Variants in ATF7IP observed in about 807,000 individuals in gnomAD.
ATF7IP encodes the protein activating transcription factor 7-interacting protein 1.
Under a neutral mutation model 106.4 loss-of-function variants are expected in ATF7IP, and 23 were observed. That is an observed-to-expected ratio of 0.22 (90% CI 0.16 to 0.31). The LOEUF (loss-of-function observed/expected upper bound fraction) is 0.31, where lower values mean the gene tolerates loss of function less well. ATF7IP is among the 10% of genes least tolerant of loss of function. The pLI, the probability that ATF7IP is intolerant of heterozygous loss-of-function variation, is 1.00. For missense variants in ATF7IP, 1,334 were observed against 1,524.3 expected (o/e 0.88, Z 2.08); for synonymous variants, 542 against 539.0 (o/e 1.01, Z -0.08).
chr12:14,465,489 A>C (rs553650545), intron 9 of ATF7IP, among the ~76,000 whole-genome samples: 36 of 151,868 alleles, frequency 2.4e-4, no homozygotes, highest in African/African-American at 8.7e-4. Flanking sequence ...TTCATAGTCC[A>C]AAACAGATGC....
chr12:14,452,234 T>G (rs1164482653), intron 6 of ATF7IP, among the ~76,000 whole-genome samples: 8 of 152,212 alleles, frequency 5.3e-5, no homozygotes, highest in African/African-American at 7.2e-5. Context: ...GTGTTGTATT[T>G]TGGATCCAAA....
chr12:14,393,526 G>A (rs909472993), intron 1 of ATF7IP, among the ~76,000 whole-genome samples: 4 of 150,176 alleles, frequency 2.7e-5, no homozygotes, highest in Non-Finnish European at 4.4e-5. Context: ...TAATATTTTT[G>A]ATTGTCTATA....
intron 1 of ATF7IP, chr12:14,395,353 A>G (rs890166354): frequency 1.3e-5 from 2 of 152,082 alleles, no homozygotes; most frequent in Non-Finnish European, 2.9e-5. Context: ...TTTTAGTTCT[A>G]ATGAAAACAG....
intron 1 of ATF7IP, among the ~76,000 whole-genome samples, chr12:14,383,071 C>G (rs11055959): frequency 0.54 from 82,632 of 151,926 alleles, 22,916 homozygotes; most frequent in African/African-American, 0.66. Flanking sequence ...GACACAGAAA[C>G]AGAACCAATG....
intron 1 of ATF7IP, among the ~76,000 whole-genome samples, chr12:14,404,378 A>G (rs1272273095): frequency 2.0e-5 from 3 of 152,214 alleles, no homozygotes; most frequent in African/African-American, 7.2e-5. Flanking sequence ...TCCTATAATC[A>G]TGACCACAGG....
rs560695297 is a variant in ATF7IP at position 14,445,140 on chromosome 12, G to A, written c.1930-1848G>A. Among the ~76,000 whole-genome samples, 10 of 151,782 alleles carry A rather than the reference G, an allele frequency of 6.6e-5. No homozygotes were observed. In the South Asian group the frequency reaches 1.0e-3, roughly 16 times the overall value. ...CGAAGAGCTGGGACTACAGGCGCGC[G>A]CCACCACGCCTGGCTAATTTTTGTA... On this transcript the variant is annotated intron_variant, in intron 5 of 14. Coordinates refer to ENST00000261168, the MANE Select transcript of ATF7IP (RefSeq NM_018179.5).
At chr12:14,426,153 A>G (rs1159693002) in intron 2 of ATF7IP, among the ~76,000 whole-genome samples, 1 of 152,162 alleles carries the variant, frequency 6.6e-6, no homozygotes, top group Admixed American at 6.5e-5. Context: ...CTCCTTATGT[A>G]AAAGGTACAT....
intron 1 of ATF7IP, among the ~76,000 whole-genome samples, chr12:14,412,898 T>C (rs779051247): frequency 6.6e-6 from 1 of 152,104 alleles, no homozygotes; most frequent in Non-Finnish European, 1.5e-5. Context: ...CCTGTAATTC[T>C]AGCTACTCAG....
intron 10 of ATF7IP, among the ~76,000 whole-genome samples, chr12:14,468,301 T>C (rs1249432184): frequency 6.7e-6 from 1 of 148,422 alleles, no homozygotes; most frequent in Non-Finnish European, 1.5e-5. Context: ...AAATATAATA[T>C]ATGTAACATC....
intron 14 of ATF7IP, among the ~76,000 whole-genome samples, chr12:14,496,597 A>C (rs1298204479): frequency 6.6e-6 from 1 of 152,206 alleles, no homozygotes; most frequent in Non-Finnish European, 1.5e-5. Flanking sequence ...GGGTATATGA[A>C]GTGAAATATA....
chr12:14,372,306 CAGAG>C (rs1200259940), intron 1 of ATF7IP, among the ~76,000 whole-genome samples: 5 of 151,990 alleles, frequency 3.3e-5, no homozygotes, highest in Admixed American at 6.6e-5. Context: ...GTATTGGAGA[CAGAG>C]AGTGAGTGCT....
chr12:14,408,352 A>G (rs111230508), intron 1 of ATF7IP: 144 of 152,198 alleles, frequency 9.5e-4, no homozygotes, highest in African/African-American at 3.2e-3. Flanking sequence ...TCCTGCTAGC[A>G]TATTGTTTCT....
At chr12:14,418,880 G>A (rs7967823) in intron 1 of ATF7IP, among the ~76,000 whole-genome samples, 82,721 of 151,778 alleles carry the variant, frequency 0.55, 23,001 homozygotes, top group African/African-American at 0.66. Context: ...AACTTTTCTT[G>A]AATTATATAT....
intron 1 of ATF7IP, among the ~76,000 whole-genome samples, chr12:14,408,142 A>AC (rs1555113737): frequency 2.7e-5 from 4 of 146,476 alleles, no homozygotes; most frequent in South Asian, 2.2e-4. Context: ...ACACACACAC[A>AC]AATATATATG....
At chr12:14,447,696 G>A (rs1943037061) in intron 6 of ATF7IP, among the ~76,000 whole-genome samples, 1 of 152,026 alleles carries the variant, frequency 6.6e-6, no homozygotes, top group South Asian at 2.1e-4. Context: ...TCCCAGTATG[G>A]TCTCTTACTA....
intron 10 of ATF7IP, among the ~76,000 whole-genome samples, chr12:14,471,811 T>C (rs1334149927): frequency 2.6e-5 from 4 of 152,078 alleles, no homozygotes; most frequent in Non-Finnish European, 5.9e-5. Flanking sequence ...ACATGGAAAT[T>C]ATCAGAACTA....
intron 13 of ATF7IP, among the ~76,000 whole-genome samples, chr12:14,483,570 C>G (rs1284067023): frequency 6.6e-6 from 1 of 152,102 alleles, no homozygotes; most frequent in Non-Finnish European, 1.5e-5. Flanking sequence ...GTCGCAGGAA[C>G]AGGAAGCAAA....
At chr12:14,473,059 A>G (rs1691351129) in intron 10 of ATF7IP, among the ~76,000 whole-genome samples, 1 of 152,190 alleles carries the variant, frequency 6.6e-6, no homozygotes, top group Non-Finnish European at 1.5e-5. Context: ...ATCCCATCTG[A>G]TAATCTCTAC....
chr12:14,405,927 A>G (rs1326851702), intron 1 of ATF7IP, among the ~76,000 whole-genome samples: 1 of 152,178 alleles, frequency 6.6e-6, no homozygotes, highest in Admixed American at 6.5e-5. Flanking sequence ...GCTTTGAATA[A>G]TGTTTTGCAA....
Sources: gnomAD v4.1 joint callset for allele counts (sites outside exome capture counted in the v4.1 genomes callset) on GRCh38, gnomAD v4.1.1 for gene constraint, MANE v1.5 for transcripts, NCBI Gene and HGNC (gene_info 2026-07-23, HGNC 2026-07-21) for gene names.